RASA1: variants seen among roughly 807,000 people sequenced by gnomAD.
RASA1 encodes the protein ras GTPase-activating protein 1.
In RASA1, 25 loss-of-function variants were observed where a neutral mutation model predicts 132.2. The ratio of observed to expected loss-of-function variants is 0.19; its 90% CI spans 0.14 to 0.26. The LOEUF (loss-of-function observed/expected upper bound fraction) is 0.26. Ranked by LOEUF, RASA1 falls within the 10% of genes least tolerant of loss-of-function variation. The pLI is 1.00. For missense variants in RASA1, 964 were observed against 1,299.2 expected, an observed-to-expected ratio of 0.74 and a Z score of 3.97; for synonymous variants, 477 against 449.9, an observed-to-expected ratio of 1.06 and a Z score of -0.76.
At chr5:87,363,944 TA>T (rs546121629) in intron 11 of RASA1, among the ~76,000 whole-genome samples, 1 of 151,920 alleles carries the variant, frequency 6.6e-6, no homozygotes, top group Non-Finnish European at 1.5e-5. Flanking sequence ...TATTTGAAAT[TA>T]AAAAAAATTC....
chr5:87,365,043 A>C (rs576185609), intron 11 of RASA1, among the ~76,000 whole-genome samples: 10 of 152,180 alleles, frequency 6.6e-5, no homozygotes, highest in Non-Finnish European at 8.8e-5. Flanking sequence ...ACAGTTAAAA[A>C]CAGTAAAAGT....
intron 1 of RASA1, among the ~76,000 whole-genome samples, chr5:87,325,647 C>T (rs1169642806): frequency 1.3e-5 from 2 of 152,102 alleles, no homozygotes; most frequent in Admixed American, 1.3e-4. Flanking sequence ...AGTAATATAA[C>T]CAAAAGGAAA....
intron 11 of RASA1, chr5:87,366,232 C>T (rs1760502102): frequency 9.5e-6 from 2 of 211,330 alleles, no homozygotes; most frequent in African/African-American, 2.3e-5. Flanking sequence ...AAATGATTCA[C>T]TAATGATACT....
At chr5:87,302,709 T>A (rs1361473535) in intron 1 of RASA1, among the ~76,000 whole-genome samples, 3 of 151,058 alleles carry the variant, frequency 2.0e-5, no homozygotes, top group African/African-American at 7.3e-5. Context: ...AACCCCAGAA[T>A]ATTATCAGCA....
chr5:87,331,579 A>T lies in RASA1; in HGVS notation c.692+79A>T, dbSNP rs113690917. 22 of 1,475,740 alleles carry T rather than the reference A, an allele frequency of 1.5e-5. No individual in the cohort carries two copies. In the African/African-American group the frequency reaches 1.7e-4, roughly 11 times the overall value. The allele number at this position is 1,475,740 out of a possible 1,614,324, so 91.4% of individuals were successfully genotyped here. A position where few individuals can be genotyped will look rare whatever the true frequency, so the allele number is the denominator to read the frequency against. ...ATTCATAAATATACCTGTATAATAAAGGTGAATGACTCAGTAACAAATAAT... is the reference window on the plus strand; with the variant it reads ...ATTCATAAATATACCTGTATAATAATGGTGAATGACTCAGTAACAAATAAT... On this transcript the variant is annotated intron_variant, in intron 2 of 24. Coordinates refer to ENST00000274376, the MANE Select transcript of RASA1 (RefSeq NM_002890.3).
chr5:87,379,324 G>A (rs1401689873), intron 18 of RASA1, among the ~76,000 whole-genome samples: 4 of 152,098 alleles, frequency 2.6e-5, no homozygotes, highest in African/African-American at 4.8e-5. Flanking sequence ...ACGGAATTCC[G>A]ACTTCCATAG....
At position 87,287,787 on chromosome 5, in the gene RASA1, CGCCAT is replaced by C. The variant is rs1754714796; in HGVS notation, c.539+18798_539+18802del. Among the ~76,000 whole-genome samples the C allele has an allele frequency of 1.6e-4, 14 of 89,592 alleles. 1 individual carries two copies. Among genetic ancestry groups the C allele is most frequent in the South Asian group, 7.8e-4 (2 of 2,572 alleles). The allele number at this position is 89,592 out of a possible 152,430, so 58.8% of individuals were successfully genotyped here. A position where few individuals can be genotyped will look rare whatever the true frequency, so the allele number is the denominator to read the frequency against. ...GCCATAGATATACCATATATGTACA[CGCCAT>C]ATATATACACACCATATATATACCA... On this transcript the variant is annotated intron_variant, in intron 1 of 24. Transcript: ENST00000274376.
rs746551717 is a variant in RASA1, at chr5:87,346,698, A to T, written c.1076A>T (p.Gln359Leu). ...KIWFHGKISK[Q>L]EAYNLLMTVG... ...TGGTTCCATGGGAAGATTTCCAAACAGGAAGCTTATAATTTACTAATGACA... is the reference window on the plus strand; with the variant it reads ...TGGTTCCATGGGAAGATTTCCAAACTGGAAGCTTATAATTTACTAATGACA... Residue 359 changes from glutamine (Q) to leucine (L), a missense_variant, in exon 7 of 25, where the codon CAG becomes CTG. By Grantham distance (113) the Gln-to-Leu change is moderately radical. Around this residue, in one of 6 missense-constraint regions of RASA1, gnomAD observed 154 missense variants for 286.5 expected, o/e 0.54. Coordinates refer to ENST00000274376, the MANE Select transcript of RASA1 (RefSeq NM_002890.3). 8.4e-6 allele frequency: 13 copies of T among 1,552,928 alleles called. No individual in the cohort carries two copies. The East Asian group carries it at 2.5e-4, about 30-fold the overall frequency.
chr5:87,375,998 C>T (rs1417043264), intron 15 of RASA1, among the ~76,000 whole-genome samples: 2 of 152,150 alleles, frequency 1.3e-5, no homozygotes, highest in Non-Finnish European at 1.5e-5. Flanking sequence ...CTCTAGATCT[C>T]GTCCGCTCAA....
chr5:87,319,636 A>G (rs896301234), intron 1 of RASA1, among the ~76,000 whole-genome samples: 4 of 152,202 alleles, frequency 2.6e-5, no homozygotes, highest in Non-Finnish European at 5.9e-5. Context: ...TGCAGTTAGC[A>G]GCAGGGCTCT....
chr5:87,379,955 C>T, intron 19 of RASA1, 105 bp downstream of exon 19: 1 of 1,185,684 alleles, frequency 8.4e-7, no homozygotes, highest in East Asian at 2.6e-5. Context: ...TATTATTATA[C>T]TCTGAAAAAG....
chr5:87,354,953 T>C (rs1030245022), intron 9 of RASA1, among the ~76,000 whole-genome samples: 5 of 152,158 alleles, frequency 3.3e-5, no homozygotes, highest in African/African-American at 4.8e-5. Context: ...CCTAACTCTC[T>C]TCTATTCTGT....
intron 17 of RASA1, among the ~76,000 whole-genome samples, chr5:87,377,516 T>C (rs936763693): frequency 7.9e-5 from 12 of 152,072 alleles, no homozygotes; most frequent in African/African-American, 2.2e-4. Flanking sequence ...TTTATTTTTT[T>C]AGTAGAGACG....
chr5:87,288,692 T>C lies in RASA1; in HGVS notation c.539+19702T>C, dbSNP rs73156334. On this transcript the variant is annotated intron_variant, in intron 1 of 24. Transcript: ENST00000274376. The stretch of plus-strand genomic sequence containing the variant: ...TCTTGTTATTATGTAAATGTTTTTA[T>C]TGGATATAGGCTTTTTTTTGGGTCC... Among the ~76,000 whole-genome samples the C allele has an allele frequency of 4.2e-3, 642 of 152,274 alleles. 4 individuals carry two copies. The highest frequency in any genetic ancestry group is 0.017 in the Middle Eastern group (5 of 294).
intron 1 of RASA1, among the ~76,000 whole-genome samples, chr5:87,298,098 A>C (rs1755198796): frequency 6.6e-6 from 1 of 151,956 alleles, no homozygotes; most frequent in Admixed American, 6.6e-5. Context: ...GGTGACTTTT[A>C]ATCTTCTTAC....
intron 1 of RASA1, among the ~76,000 whole-genome samples, chr5:87,299,138 T>C (rs1755248714): frequency 6.6e-6 from 1 of 152,120 alleles, no homozygotes; most frequent in African/African-American, 2.4e-5. Context: ...AATACAGGAG[T>C]CCTATGAGTC....
At chr5:87,380,147 A>G (rs551911028) in intron 19 of RASA1, among the ~76,000 whole-genome samples, 44 of 152,276 alleles carry the variant, frequency 2.9e-4, no homozygotes, top group African/African-American at 1.1e-3. Context: ...CATTTAGTCT[A>G]TACTTGATAG....
intron 6 of RASA1, among the ~76,000 whole-genome samples, chr5:87,343,438 T>G (rs1257572027): frequency 1.3e-5 from 2 of 152,178 alleles, no homozygotes; most frequent in Admixed American, 1.3e-4. Flanking sequence ...CACATTATCC[T>G]TAACTGCCAG....
At position 87,338,536 on chromosome 5, in the gene RASA1, A is replaced by ATTTTTTTTT. The variant is rs1232583853; in HGVS notation, c.1017+451_1017+459dup. ...ATATATATATATATATATATATAAA[A>ATTTTTTTTT]TTTTTTTTTTTTTTAAGTAGAAATG... On this transcript the variant is annotated intron_variant, in intron 5 of 24. Coordinates refer to ENST00000274376, the MANE Select transcript of RASA1 (RefSeq NM_002890.3). Among the ~76,000 whole-genome samples the ATTTTTTTTT allele has an allele frequency of 2.8e-4, 24 of 85,220 alleles. 1 individual carries two copies. The highest frequency in any genetic ancestry group is 9.7e-4 in the African/African-American group (22 of 22,624). The allele number at this position is 85,220 out of a possible 152,430, so 55.9% of individuals were successfully genotyped here. A position where few individuals can be genotyped will look rare whatever the true frequency, so the allele number is the denominator to read the frequency against.
Sources: gnomAD v4.1 joint callset for allele counts (sites outside exome capture counted in the v4.1 genomes callset) on GRCh38, gnomAD v4.1.1 for gene constraint, gnomAD v4.1.1 regional missense constraint, MANE v1.5 for transcripts, NCBI Gene and HGNC (gene_info 2026-07-23, HGNC 2026-07-21) for gene names.